Variants in TP53BP1 observed in about 807,000 individuals in gnomAD.
The protein encoded by TP53BP1 is tumor protein p53 binding protein 1, also known as TP53-binding protein 1.
TP53BP1 carries 61 observed loss-of-function variants against 200.8 expected under a neutral mutation model. The observed-to-expected ratio is 0.30, with a 90% CI of 0.25 to 0.38. TP53BP1 has a LOEUF of 0.38. Among genes scored for constraint, TP53BP1 ranks in the 10% least tolerant of loss-of-function variants. The pLI, the probability that TP53BP1 is intolerant of heterozygous loss-of-function variation, is 1.00. For synonymous variants in TP53BP1, 822 were observed against 844.3 expected (o/e 0.97, Z 0.46); for missense variants, 2,144 against 2,371.9 (o/e 0.90, Z 2.00).
chr15:43,432,539 C>T lies in TP53BP1; in HGVS notation c.3330G>A (p.Gln1110=). The change falls in exon 17 of 28, where the codon CAG becomes CAA. Residue 1110 remains glutamine, a synonymous_variant. Transcript: ENST00000382044. ...TGGATGGCCCTTGTATGACCATCTT[C>T]TGGGAAGCAGGAGAAACAGGGTCCT... ...PVKDPVSPAS[Q]KMVIQGPSSP... 1 of 1,614,198 alleles carries T rather than the reference C, an allele frequency of 6.2e-7. No individual in the cohort carries two copies.
intron 11 of TP53BP1, among the ~76,000 whole-genome samples, chr15:43,461,422 T>C (rs2046427831): frequency 6.6e-6 from 1 of 152,052 alleles, no homozygotes; most frequent in Non-Finnish European, 1.5e-5. Flanking sequence ...TTTGCCATGT[T>C]GCCCAGGCTG....
intron 4 of TP53BP1, among the ~76,000 whole-genome samples, chr15:43,482,780 AT>A (rs1223565631): frequency 6.6e-6 from 1 of 152,008 alleles, no homozygotes; most frequent in Admixed American, 6.6e-5. Flanking sequence ...AAAAAAAAAA[AT>A]TTAACCAGTG....
chr15:43,465,711 G>A (rs1377419152), intron 11 of TP53BP1, among the ~76,000 whole-genome samples: 1 of 152,184 alleles, frequency 6.6e-6, no homozygotes, highest in African/African-American at 2.4e-5. Flanking sequence ...CACTGGGAAC[G>A]AAGAGAAAAT....
intron 24 of TP53BP1, 77 bp downstream of exon 24, chr15:43,413,042 G>C: frequency 7.1e-7 from 1 of 1,409,390 alleles, no homozygotes; most frequent in Non-Finnish European, 9.9e-7. Context: ...ACAACAGGGG[G>C]ACCACCAGCT....
intron 18 of TP53BP1, among the ~76,000 whole-genome samples, chr15:43,423,533 T>G (rs2045454979): frequency 6.6e-6 from 1 of 151,844 alleles, no homozygotes; most frequent in South Asian, 2.1e-4. Context: ...GGTGCACTCC[T>G]GTACTCCCAG....
Position 43,422,060 on chromosome 15 carries a change from C to A in TP53BP1, c.3895G>T (p.Gly1299Cys), listed in dbSNP as rs1303593530. The change falls in exon 19 of 28, where the codon GGC (glycine) becomes TGC (cysteine). Residue 1299 changes from glycine (G) to cysteine (C), a missense_variant. By Grantham distance (159) the Gly-to-Cys change is radical. Coordinates refer to ENST00000382044, the MANE Select transcript of TP53BP1 (RefSeq NM_001141980.3). ...ETEVSPSQTGGSSGDLGDISS... is the reference protein window; with the variant it reads ...ETEVSPSQTGCSSGDLGDISS... ...ATATCCCCCAGGTCACCTGAGGAGC[C>A]CCCAGTCTGTGAAGGGGAAACTTCA... 2 of 1,613,976 alleles carry A rather than the reference C, an allele frequency of 1.2e-6. No homozygotes were observed. The highest frequency in any genetic ancestry group is 1.3e-5 in the African/African-American group (1 of 74,888).
rs756931824 is a variant in TP53BP1 at position 43,413,348 on chromosome 15, G to A, written c.5090-14C>T. ...CCCCTACTGCACCTGGGAAGGACAG[G>A]GGCACAGTTACTAGAGGGATACACA... On this transcript the variant is annotated splice_polypyrimidine_tract_variant and intron_variant, in intron 23 of 27. Transcript: ENST00000382044. The A allele has an allele frequency of 4.1e-5, 66 of 1,610,222 alleles. No individual in the cohort carries two copies. The highest frequency in any genetic ancestry group is 5.3e-5 in the Non-Finnish European group (63 of 1,177,784).
chr15:43,433,131 A>T (rs1291863493), intron 16 of TP53BP1, among the ~76,000 whole-genome samples: 1 of 152,110 alleles, frequency 6.6e-6, no homozygotes, highest in East Asian at 1.9e-4. Flanking sequence ...CTAGCATTCT[A>T]GATACTGTTT....
At chr15:43,416,167 T>C in intron 22 of TP53BP1, 58 bp downstream of exon 22, 1 of 1,472,110 alleles carries the variant, frequency 6.8e-7, no homozygotes, top group Non-Finnish European at 9.2e-7. Context: ...CAGAATCTCC[T>C]CCCACTGTAA....
chr15:43,477,917 T>C (rs1566959560), intron 7 of TP53BP1, among the ~76,000 whole-genome samples, 158 bp from the exon 8 acceptor site: 1 of 152,334 alleles, frequency 6.6e-6, no homozygotes, highest in Non-Finnish European at 1.5e-5. Flanking sequence ...AACTACTCTT[T>C]ATAGTGATAA....
intron 18 of TP53BP1, among the ~76,000 whole-genome samples, chr15:43,425,007 A>G (rs745638687): frequency 3.3e-5 from 5 of 152,162 alleles, no homozygotes; most frequent in Non-Finnish European, 7.3e-5. Flanking sequence ...TGGGTCTGTT[A>G]TAAAAACTAA....
intron 19 of TP53BP1, 80 bp from the exon 20 acceptor site, chr15:43,421,254 C>T: frequency 1.4e-6 from 2 of 1,479,830 alleles, no homozygotes; most frequent in South Asian, 1.2e-5. Flanking sequence ...GGCCCTCAGA[C>T]TACATGACAG....
chr15:43,404,410 C>T lies in TP53BP1; in HGVS notation c.*2973G>A, dbSNP rs1188958037. ...AATGACAGCTGAGTCCTTCTCTCTG[C>T]AGGGCTTTAGCCGCCAGTCTTCACT... On this transcript the variant is annotated 3_prime_UTR_variant, in exon 28 of 28. Transcript: ENST00000382044. 1.2e-6 allele frequency: 2 copies of T among 1,613,958 alleles called. No homozygotes were observed. Among genetic ancestry groups the T allele is most frequent in the South Asian group, 1.1e-5 (1 of 91,070 alleles).
intron 23 of TP53BP1, among the ~76,000 whole-genome samples, chr15:43,414,443 T>C (rs1205554209): frequency 6.6e-6 from 1 of 152,152 alleles, no homozygotes; most frequent in Non-Finnish European, 1.5e-5. Context: ...ACAATTCAAA[T>C]ACATAGGAAA....
intron 8 of TP53BP1, among the ~76,000 whole-genome samples, chr15:43,476,955 AAAACCTAGGCTTAAT>A (rs2078891604): frequency 6.6e-6 from 1 of 152,224 alleles, no homozygotes; most frequent in Non-Finnish European, 1.5e-5. Flanking sequence ...ATGAATATGA[AAAACCTAGGCTTAAT>A]ATCATATTGA....
At chr15:43,417,695 G>T (rs535125245) in intron 21 of TP53BP1, among the ~76,000 whole-genome samples, 4 of 152,264 alleles carry the variant, frequency 2.6e-5, no homozygotes, top group Non-Finnish European at 5.9e-5. Context: ...GAATGCATTT[G>T]ATACATACAA....
rs374933232 is a variant in TP53BP1, at chr15:43,479,812, T to C, written c.658+47A>G. 1.9e-6 allele frequency: 3 copies of C among 1,602,510 alleles called. No homozygotes were observed. In the African/African-American group the frequency reaches 4.0e-5, roughly 22 times the overall value. On this transcript the variant is annotated intron_variant, in intron 6 of 27. Coordinates refer to ENST00000382044, the MANE Select transcript of TP53BP1 (RefSeq NM_001141980.3). ...AAAGAAAAAATAACTACCTCTAATA[T>C]GGGAGAAAACACAACAACTCCAAAT...
At chr15:43,445,802 T>A (rs1283502059) in intron 14 of TP53BP1, among the ~76,000 whole-genome samples, 1 of 152,142 alleles carries the variant, frequency 6.6e-6, no homozygotes. Flanking sequence ...CACTTTCTGG[T>A]TAAAGACTGG....
In TP53BP1 at chr15:43,413,308, T is replaced by A. The variant is rs762119718; in HGVS notation, c.5116A>T (p.Ser1706Cys). The change falls in exon 24 of 28, where the codon AGC becomes TGC. Residue 1706 changes from serine to cysteine, a missense_variant. Ser to Cys is a moderately radical substitution (Grantham distance 112). Around this residue, in one of 4 missense-constraint regions of TP53BP1, gnomAD observed 334 missense variants for 453.4 expected, o/e 0.74. Transcript: ENST00000382044. ...GTGTTGTCTCCACTCTCACAGGGGC[T>A]CACAAACTCTCCTGCCCCTACTGCA... ...PGAVGAGEFV[S>C]PCESGDNTGE... 5 of 1,613,862 alleles carry A rather than the reference T, an allele frequency of 3.1e-6. No homozygotes were observed. Among genetic ancestry groups the A allele is most frequent in the South Asian group, 1.1e-5 (1 of 91,048 alleles).
Sources: allele counts gnomAD v4.1 joint callset (sites outside exome capture counted in the v4.1 genomes callset), GRCh38; gene constraint gnomAD v4.1.1; regional missense constraint gnomAD v4.1.1; transcripts MANE v1.5; gene names NCBI Gene and HGNC (gene_info 2026-07-23, HGNC 2026-07-21).